Variants in DAB1 observed in about 807,000 individuals in gnomAD.
DAB1 encodes disabled homolog 1.
In DAB1, 15 loss-of-function variants were observed where a neutral mutation model predicts 64.6. The ratio of observed to expected loss-of-function variants is 0.23; its 90% CI spans 0.16 to 0.36. DAB1 has a LOEUF of 0.36. Among genes scored for constraint, DAB1 ranks in the 10% least tolerant of loss-of-function variants. The pLI is 1.00. For missense variants in DAB1, 596 were observed against 706.7 expected, an observed-to-expected ratio of 0.84 and a Z score of 1.78; for synonymous variants, 235 against 251.9, an observed-to-expected ratio of 0.93 and a Z score of 0.64.
At chr1:57,467,180 T>G (rs1365496777) in intron 7 of DAB1, among the ~76,000 whole-genome samples, 1 of 152,162 alleles carries the variant, frequency 6.6e-6, no homozygotes, top group Non-Finnish European at 1.5e-5. Flanking sequence ...GCCCTCTGAA[T>G]CAGAATCTCT....
At chr1:57,945,429 T>TTATTATTATTAG (rs1645170398) in intron 5 of DAB1, among the ~76,000 whole-genome samples, 1 of 26,412 alleles carries the variant, frequency 3.8e-5, no homozygotes, top group Non-Finnish European at 8.8e-5. Context: ...TTGCTAATTG[T>TTATTATTATTAG]TATTATTATT....
Position 57,611,956 on chromosome 1 carries a change from A to G in DAB1, n.625+37636T>C, listed in dbSNP as rs533277031. ...CCCCTGCCAACTGTTATGTAGTGTC[A>G]CTGGCCTCTTTGCTTTTTCAACACA... On this transcript the variant is annotated intron_variant and non_coding_transcript_variant, in intron 7 of 20. Coordinates refer to the DAB1 transcript ENST00000485760. Among the ~76,000 whole-genome samples, 42 of 152,198 alleles carry G rather than the reference A, an allele frequency of 2.8e-4. 1 individual carries two copies. Among genetic ancestry groups the G allele is most frequent in the African/African-American group, 1.0e-3 (42 of 41,522 alleles).
intron 6 of DAB1, among the ~76,000 whole-genome samples, chr1:57,791,328 C>G (rs1650588490): frequency 6.6e-6 from 1 of 152,220 alleles, no homozygotes; most frequent in African/African-American, 2.4e-5. Flanking sequence ...CTTTTACACA[C>G]AGATCCTCCC....
At chr1:57,689,084 T>TA (rs1455595872) in intron 6 of DAB1, among the ~76,000 whole-genome samples, 1 of 152,156 alleles carries the variant, frequency 6.6e-6, no homozygotes, top group South Asian at 2.1e-4. Context: ...AATTATTTTT[T>TA]AAAAAAGAAG....
At chr1:58,158,240 G>C (rs560369438) in intron 4 of DAB1, among the ~76,000 whole-genome samples, 1 of 152,098 alleles carries the variant, frequency 6.6e-6, no homozygotes, top group South Asian at 2.1e-4. Context: ...AGCCTGCAAG[G>C]GGGCATTTAC....
At chr1:57,088,840 G>A (rs1381981923) in intron 4 of DAB1, among the ~76,000 whole-genome samples, 2 of 152,218 alleles carry the variant, frequency 1.3e-5, no homozygotes, top group Middle Eastern at 3.2e-3. Flanking sequence ...CCACACAGGC[G>A]ATAATCATCT....
chr1:57,763,631 T>A (rs1027552282), intron 6 of DAB1, among the ~76,000 whole-genome samples: 1 of 152,070 alleles, frequency 6.6e-6, no homozygotes, highest in African/African-American at 2.4e-5. Context: ...TGAGCTATGA[T>A]TGAATCACTG....
At position 58,093,926 on chromosome 1, in the gene DAB1, T is replaced by C. The variant is rs575469368; in HGVS notation, n.387+56585A>G. 1.2e-3 allele frequency among the ~76,000 whole-genome samples: 189 copies of C among 152,272 alleles called. 1 individual carries two copies. Among genetic ancestry groups the C allele is most frequent in the Middle Eastern group, 6.8e-3 (2 of 294 alleles). ...GCCCTTTGCTTGCTCTGCTCTGTAC[T>C]ACAGAATCCTGATCCCTGCAGGCTA... is the stretch of plus-strand genomic sequence containing the variant. On this transcript the variant is annotated intron_variant and non_coding_transcript_variant, in intron 5 of 20. Coordinates refer to the DAB1 transcript ENST00000485760.
intron 3 of DAB1, among the ~76,000 whole-genome samples, chr1:58,441,706 G>A (rs1293459487): frequency 1.3e-5 from 2 of 152,144 alleles, no homozygotes; most frequent in Non-Finnish European, 2.9e-5. Context: ...TGTCCTCCTG[G>A]TAGGACCTGG....
intron 7 of DAB1, among the ~76,000 whole-genome samples, chr1:57,491,260 C>A (rs902009039): frequency 6.6e-6 from 1 of 152,050 alleles, no homozygotes; most frequent in Non-Finnish European, 1.5e-5. Context: ...AACCCTGTCT[C>A]TACTAAAAAT....
At chr1:57,200,290 G>A (rs1664986044) in intron 2 of DAB1, among the ~76,000 whole-genome samples, 1 of 152,126 alleles carries the variant, frequency 6.6e-6, no homozygotes, top group Non-Finnish European at 1.5e-5. Flanking sequence ...TTGATTTACT[G>A]AGCACATATT....
At chr1:57,343,227 A>G (rs1478310651) in intron 1 of DAB1, among the ~76,000 whole-genome samples, 4 of 152,184 alleles carry the variant, frequency 2.6e-5, no homozygotes, top group African/African-American at 4.8e-5. Context: ...CAGAGTGTCA[A>G]TTGGTGCATT....
rs188989675 is a variant in DAB1 at position 57,644,942 on chromosome 1, G to T, written n.625+4650C>A. ...TACTGCTTTGCAGCTTGATGATGTG[G>T]GTGACCTGTAGAAGCCAGAGTCCTT... is the stretch of plus-strand genomic sequence containing the variant. On this transcript the variant is annotated intron_variant and non_coding_transcript_variant, in intron 7 of 20. Transcript: ENST00000485760. Among the ~76,000 whole-genome samples the T allele has an allele frequency of 2.6e-3, 391 of 152,230 alleles. 1 individual carries two copies. Among genetic ancestry groups the T allele is most frequent in the African/African-American group, 8.9e-3 (371 of 41,552 alleles).
chr1:57,938,779 A>G (rs1645062928), intron 5 of DAB1, among the ~76,000 whole-genome samples: 1 of 151,996 alleles, frequency 6.6e-6, no homozygotes, highest in Non-Finnish European at 1.5e-5. Context: ...GGCCCCCTGG[A>G]GGTACCCTGC....
chr1:57,779,764 T>C (rs1202292047), intron 6 of DAB1, among the ~76,000 whole-genome samples: 1 of 152,138 alleles, frequency 6.6e-6, no homozygotes, highest in Non-Finnish European at 1.5e-5. Context: ...GAGCAGAGTA[T>C]AGAAAAATCC....
chr1:57,238,841 G>A (rs965147578), intron 2 of DAB1, among the ~76,000 whole-genome samples: 32 of 138,294 alleles, frequency 2.3e-4, no homozygotes, highest in African/African-American at 7.2e-4. Flanking sequence ...GTGCACATGC[G>A]CACACACACA....
intron 2 of DAB1, among the ~76,000 whole-genome samples, chr1:57,267,594 T>C (rs1189866426): frequency 6.6e-6 from 1 of 152,192 alleles, no homozygotes; most frequent in African/African-American, 2.4e-5. Context: ...CCCGAGTACC[T>C]GAAACATACA....
chr1:57,595,104 TAAGTA>T (rs1645491288), intron 7 of DAB1, among the ~76,000 whole-genome samples: 2 of 152,120 alleles, frequency 1.3e-5, no homozygotes, highest in African/African-American at 2.4e-5. Context: ...CCACTTCCAT[TAAGTA>T]AATACTGAAA....
At chr1:57,705,004 A>T (rs1646950796) in intron 6 of DAB1, among the ~76,000 whole-genome samples, 1 of 152,016 alleles carries the variant, frequency 6.6e-6, no homozygotes, top group African/African-American at 2.4e-5. Flanking sequence ...TCTGGGAAAA[A>T]ATCTGAGCTT....
Sources: gnomAD v4.1 joint callset for allele counts (sites outside exome capture counted in the v4.1 genomes callset) on GRCh38, gnomAD v4.1.1 for gene constraint, MANE v1.5 for transcripts, NCBI Gene and HGNC (gene_info 2026-07-23, HGNC 2026-07-21) for gene names.